Variants in WWOX observed in about 807,000 individuals in gnomAD.
The protein encoded by WWOX is WW domain-containing oxidoreductase.
In WWOX, 69 loss-of-function variants were observed where a neutral mutation model predicts 46.2. The observed-to-expected ratio is 1.49, with a 90% confidence interval of 1.23 to 1.82. The LOEUF (loss-of-function observed/expected upper bound fraction) is 1.82. Among genes scored for constraint, WWOX ranks in the 40% most tolerant of loss-of-function variants. WWOX has a pLI of 0.00. For synonymous variants in WWOX, 359 were observed against 202.6 expected (o/e 1.77, Z -6.56); for missense variants, 919 against 542.6 (o/e 1.69, Z -6.89).
chr16:78,849,180 C>A (rs560081662), intron 8 of WWOX, among the ~76,000 whole-genome samples: 12 of 152,258 alleles, frequency 7.9e-5, no homozygotes, highest in Admixed American at 3.3e-4. Flanking sequence ...CCCAAACATA[C>A]AAGAGTCAAT....
At chr16:78,737,261 C>T (rs950724191) in intron 8 of WWOX, among the ~76,000 whole-genome samples, 12 of 151,396 alleles carry the variant, frequency 7.9e-5, no homozygotes, top group Admixed American at 2.6e-4. Context: ...CACCATACTT[C>T]GCTAATTTTT....
intron 5 of WWOX, among the ~76,000 whole-genome samples, chr16:78,183,086 T>C (rs902121648): frequency 1.3e-5 from 2 of 152,160 alleles, no homozygotes; most frequent in Non-Finnish European, 2.9e-5. Context: ...CCTGTAGGTC[T>C]CCTTATTTAG....
intron 8 of WWOX, among the ~76,000 whole-genome samples, chr16:78,746,869 T>C (rs770050473): frequency 1.7e-4 from 26 of 152,130 alleles, no homozygotes; most frequent in South Asian, 4.1e-4. Flanking sequence ...CCTTGAAATT[T>C]TGAGGTTGTT....
intron 8 of WWOX, among the ~76,000 whole-genome samples, chr16:79,111,094 C>A (rs1468322008): frequency 6.6e-6 from 1 of 152,104 alleles, no homozygotes; most frequent in Non-Finnish European, 1.5e-5. Context: ...GATGCTTTCA[C>A]TGAAGGAGGG....
intron 8 of WWOX, among the ~76,000 whole-genome samples, chr16:78,930,083 T>G (rs998845328): frequency 6.6e-6 from 1 of 152,074 alleles, no homozygotes; most frequent in African/African-American, 2.4e-5. Flanking sequence ...CTTGCCTTCT[T>G]CACACTCCTC....
chr16:78,503,400 C>T (rs936241381), intron 8 of WWOX, among the ~76,000 whole-genome samples: 6 of 152,062 alleles, frequency 3.9e-5, no homozygotes, highest in African/African-American at 1.2e-4. Flanking sequence ...CTATATCCCC[C>T]CCATACTCCA....
intron 8 of WWOX, among the ~76,000 whole-genome samples, chr16:78,729,140 C>G (rs11643402): frequency 0.16 from 24,970 of 151,720 alleles, 2,673 homozygotes; most frequent in Non-Finnish European, 0.23. Flanking sequence ...CTCAGGAATT[C>G]GAGACCAGCC....
chr16:79,202,396 T>C (rs540917079), intron 8 of WWOX, among the ~76,000 whole-genome samples: 3 of 152,296 alleles, frequency 2.0e-5, no homozygotes, highest in African/African-American at 4.8e-5. Flanking sequence ...CAAATAGGAA[T>C]TACATTCCGT....
At chr16:79,068,008 C>T (rs2048473996) in intron 8 of WWOX, among the ~76,000 whole-genome samples, 1 of 152,176 alleles carries the variant, frequency 6.6e-6, no homozygotes, top group Non-Finnish European at 1.5e-5. Flanking sequence ...CACAGATTTT[C>T]TCATTGATCT....
intron 8 of WWOX, among the ~76,000 whole-genome samples, chr16:78,488,685 G>T (rs1294475198): frequency 6.6e-6 from 1 of 152,122 alleles, no homozygotes; most frequent in South Asian, 2.1e-4. Flanking sequence ...GGGGAGGTAG[G>T]CTCTGAGTCA....
At chr16:78,458,996 T>A (rs975090567) in intron 8 of WWOX, among the ~76,000 whole-genome samples, 1 of 152,234 alleles carries the variant, frequency 6.6e-6, no homozygotes, top group Non-Finnish European at 1.5e-5. Context: ...CCCAGGCTAG[T>A]TGGTCCTATT....
At position 79,154,933 on chromosome 16, in the gene WWOX, G is replaced by C. The variant is rs556018998; in HGVS notation, c.1057-56675G>C. Among the ~76,000 whole-genome samples the C allele has an allele frequency of 2.0e-5, 3 of 152,324 alleles. No homozygotes were observed. The South Asian group carries it at 6.2e-4, about 32-fold the overall frequency. On this transcript the variant is annotated intron_variant, in intron 8 of 8. Transcript: ENST00000566780. ...GAAAAAATGAAAGAAAGAAAGAAGAGGAAGAGCTGTCATTCCTCTGACAAG... is the reference window on the plus strand; with the variant it reads ...GAAAAAATGAAAGAAAGAAAGAAGACGAAGAGCTGTCATTCCTCTGACAAG...
At chr16:78,210,543 T>TC (rs1381749297) in intron 5 of WWOX, among the ~76,000 whole-genome samples, 1 of 152,152 alleles carries the variant, frequency 6.6e-6, no homozygotes, top group Non-Finnish European at 1.5e-5. Context: ...TCTCTCTTTC[T>TC]CTGTCTCTCA....
At chr16:78,146,245 C>A (rs1351519075) in intron 4 of WWOX, among the ~76,000 whole-genome samples, 2 of 152,076 alleles carry the variant, frequency 1.3e-5, no homozygotes, top group Admixed American at 1.3e-4. Context: ...CCTGGCAAGC[C>A]GTGCAGGTTG....
intron 8 of WWOX, among the ~76,000 whole-genome samples, chr16:78,561,973 C>G (rs1028389192): frequency 6.3e-5 from 7 of 110,540 alleles, no homozygotes; most frequent in Non-Finnish European, 3.5e-5. Context: ...ACTTTTGCAC[C>G]AACCTAACAA....
intron 8 of WWOX, chr16:78,552,874 A>C (rs780405677): frequency 2.6e-5 from 4 of 152,192 alleles, no homozygotes; most frequent in Non-Finnish European, 5.9e-5. Flanking sequence ...TATTGCAAAG[A>C]TGGTTTGTTA....
intron 8 of WWOX, among the ~76,000 whole-genome samples, chr16:78,710,498 A>ATATATATATATATATATATATATATT (rs941311575): frequency 7.2e-4 from 95 of 132,766 alleles, no homozygotes; most frequent in African/African-American, 2.6e-3. Flanking sequence ...ATATATATAT[A>ATATATATATATATATATATATATATT]TTTATATAAA....
chr16:78,917,683 C>G (rs189937434), intron 8 of WWOX, among the ~76,000 whole-genome samples: 368 of 152,192 alleles, frequency 2.4e-3, no homozygotes, highest in South Asian at 0.01. Flanking sequence ...TCCTACATGG[C>G]TGTGACTACT....
intron 8 of WWOX, among the ~76,000 whole-genome samples, chr16:78,749,278 G>T (rs919395733): frequency 6.6e-6 from 1 of 152,042 alleles, no homozygotes; most frequent in African/African-American, 2.4e-5. Flanking sequence ...AACAGAGCTC[G>T]AGAGAAGTTC....
Sources: gnomAD v4.1 joint callset for allele counts (sites outside exome capture counted in the v4.1 genomes callset) on GRCh38, gnomAD v4.1.1 for gene constraint, MANE v1.5 for transcripts, NCBI Gene and HGNC (gene_info 2026-07-23, HGNC 2026-07-21) for gene names.